RADIL: variants seen among roughly 807,000 people sequenced by gnomAD.
The protein encoded by RADIL is ras-associating and dilute domain-containing protein.
In RADIL, 99 loss-of-function variants were observed where a neutral mutation model predicts 97.6. That is an observed-to-expected ratio of 1.01 (90% CI 0.86 to 1.20). The LOEUF (loss-of-function observed/expected upper bound fraction) is 1.20. RADIL is among the 50% of genes most tolerant of loss of function. RADIL has a pLI of 0.00. For synonymous variants in RADIL, 803 were observed against 691.8 expected, an observed-to-expected ratio of 1.16 and a Z score of -2.52; for missense variants, 1,765 against 1,498.9, an observed-to-expected ratio of 1.18 and a Z score of -2.93.
At position 4,819,741 on chromosome 7, in the gene RADIL, G is replaced by A. The variant is rs566028205; in HGVS notation, c.1616-2390C>T. Among the ~76,000 whole-genome samples, 13 of 152,314 alleles carry A rather than the reference G, an allele frequency of 8.5e-5. No individual in the cohort carries two copies. The highest frequency in any genetic ancestry group is 1.9e-4 in the African/African-American group (8 of 41,578). On this transcript the variant is annotated intron_variant, in intron 6 of 14. Transcript: ENST00000399583. This position sits in a 1 kb window ranked among gnomAD's most constrained non-coding sequence, Gnocchi z 5.8. ...TCCTGCAGAGGGTCGGGAGGCTGAC[G>A]GGGCTCTGCCCCTCCGGCCCCTTCT...
Position 4,837,864 on chromosome 7 carries a change from C to A in RADIL, c.536-1259G>T. The A allele has an allele frequency of 4.1e-6, 4 of 985,438 alleles. No individual in the cohort carries two copies. The highest frequency in any genetic ancestry group is 4.8e-6 in the Non-Finnish European group (4 of 829,936). The allele number at this position is 985,438 out of a possible 1,614,324, so 61.0% of individuals were successfully genotyped here. ...CTGACCCGGCGCTGTCTTTTCTGAGCCCTCTGCTGAGTTCCCTGTACGCAG... is the reference window on the plus strand; with the variant it reads ...CTGACCCGGCGCTGTCTTTTCTGAGACCTCTGCTGAGTTCCCTGTACGCAG... On this transcript the variant is annotated intron_variant, in intron 2 of 14. Coordinates refer to ENST00000399583, the MANE Select transcript of RADIL (RefSeq NM_018059.5). This position sits in a 1 kb window ranked among gnomAD's most constrained non-coding sequence, Gnocchi z 5.6.
chr7:4,830,492 G>T (rs1161390308), intron 5 of RADIL, among the ~76,000 whole-genome samples: 1 of 152,200 alleles, frequency 6.6e-6, no homozygotes, highest in African/African-American at 2.4e-5. Context: ...CAGGAGCTGC[G>T]CCTTTCCCTG....
chr7:4,862,168 G>A (rs980725312), intron 2 of RADIL, among the ~76,000 whole-genome samples: 1 of 152,228 alleles, frequency 6.6e-6, no homozygotes, highest in Admixed American at 6.5e-5. Flanking sequence ...GTTGATGACC[G>A]GCCAAACTCA....
At chr7:4,862,091 G>C in intron 2 of RADIL, 4 of 358,464 alleles carry the variant, frequency 1.1e-5, no homozygotes, top group Non-Finnish European at 2.0e-5. Context: ...GGGAGCCACA[G>C]CGTTCTGGGC....
chr7:4,853,040 A>AT (rs1273926980), intron 2 of RADIL, among the ~76,000 whole-genome samples: 3 of 152,102 alleles, frequency 2.0e-5, no homozygotes, highest in Non-Finnish European at 2.9e-5. Flanking sequence ...AGATGATGAG[A>AT]TTTTAGACTT....
chr7:4,831,991 A>G lies in RADIL; in HGVS notation c.1454+150T>C, dbSNP rs867773678. On this transcript the variant is annotated intron_variant, in intron 5 of 14. Transcript: ENST00000399583. The stretch of plus-strand genomic sequence containing the variant: ...AGCTTCCCAGGGTGATGACTAAAGA[A>G]GCAAAAAAGGCCGCTGCTTGGATGG... 8.9e-6 allele frequency: 7 copies of G among 782,212 alleles called. No homozygotes were observed. In the African/African-American group the frequency reaches 1.2e-4, roughly 14 times the overall value. 48.5% of individuals were successfully genotyped at this position (782,212 alleles called of 1,614,324 possible).
intron 2 of RADIL, among the ~76,000 whole-genome samples, chr7:4,870,154 GCAA>G (rs149269433): frequency 0.02 from 2,980 of 151,794 alleles, 106 homozygotes; most frequent in African/African-American, 0.066. Flanking sequence ...AACAACAACA[GCAA>G]CAACAACAAA....
chr7:4,837,092 A>C lies in RADIL; in HGVS notation c.536-487T>G, dbSNP rs1297806541. ...CTCTGCCCTCTAGCCACGCCCCTCG[A>C]AAAACCAGACAGTGCCTTGGCACCA... On this transcript the variant is annotated intron_variant, in intron 2 of 14. Transcript: ENST00000399583. The surrounding 1 kb of genome is among the most constrained non-coding windows in gnomAD (Gnocchi z 5.6). 4.6e-5 allele frequency among the ~76,000 whole-genome samples: 7 copies of C among 152,306 alleles called. No homozygotes were observed. In the East Asian group the frequency reaches 9.7e-4, roughly 21 times the overall value.
intron 2 of RADIL, among the ~76,000 whole-genome samples, chr7:4,848,466 C>G (rs78514879): frequency 0.016 from 2,371 of 151,912 alleles, 33 homozygotes; most frequent in South Asian, 0.025. Context: ...TCGAATATAT[C>G]TGAACATCTT....
In RADIL at chr7:4,815,448, G is replaced by A. The variant is rs1163509651; in HGVS notation, c.1969C>T (p.Pro657Ser). The A allele has an allele frequency of 2.0e-6, 3 of 1,511,126 alleles. No individual in the cohort carries two copies. The highest frequency in any genetic ancestry group is 2.7e-6 in the Non-Finnish European group (3 of 1,126,848). The allele number at this position is 1,511,126 out of a possible 1,614,324, so 93.6% of individuals were successfully genotyped here. ...LLLNQLLDRG[P>S]SLSCFHWPRG... ...GGCCAGTGGAAGCAGCTCAGGGAGG[G>A]GCCTGTGGAGGGAAGAAGGGAGGGT... Residue 657 changes from proline (P) to serine (S), a missense_variant and splice_region_variant, in exon 9 of 15, where the codon CCC (proline) becomes TCC (serine). Physicochemically the swap from Pro to Ser is moderately conservative, Grantham distance 74. Coordinates refer to ENST00000399583, the MANE Select transcript of RADIL (RefSeq NM_018059.5). This position sits in a 1 kb window ranked among gnomAD's most constrained non-coding sequence, Gnocchi z 8.0.
chr7:4,818,123 G>A lies in RADIL; in HGVS notation c.1616-772C>T, dbSNP rs1313803933. 3.3e-5 allele frequency among the ~76,000 whole-genome samples: 5 copies of A among 152,332 alleles called. 1 individual carries two copies. The East Asian group carries it at 5.8e-4, about 18-fold the overall frequency. On this transcript the variant is annotated intron_variant, in intron 6 of 14. Coordinates refer to ENST00000399583, the MANE Select transcript of RADIL (RefSeq NM_018059.5). This position sits in a 1 kb window ranked among gnomAD's most constrained non-coding sequence, Gnocchi z 7.1. ...GGTGTTCCCTGTCAGCCGCGTGGGC[G>A]GCCACAGCTCCCCTCCTCTCCCTCC...
rs1276439735 is a variant in RADIL at position 4,878,662 on chromosome 7, C to T, written c.-64-459G>A. Among the ~76,000 whole-genome samples the T allele has an allele frequency of 6.6e-6, 1 of 152,242 alleles. No individual in the cohort carries two copies. Reference sequence around the variant, plus strand: ...CCAGAGACCGAGAGGACTAAACGGGCTGGAGCGCCCTTCAAGGAAAGCCAT... The same window carrying T: ...CCAGAGACCGAGAGGACTAAACGGGTTGGAGCGCCCTTCAAGGAAAGCCAT... On this transcript the variant is annotated intron_variant, in intron 1 of 14. Transcript: ENST00000399583. The surrounding 1 kb of genome is among the most constrained non-coding windows in gnomAD (Gnocchi z 4.1).
rs1474080425 is a variant in RADIL at position 4,799,383 on chromosome 7, GA to G, written c.3222del (p.Leu1075SerfsTer31). On this transcript the variant is annotated frameshift_variant, in exon 15 of 15. Transcript: ENST00000399583. LOFTEE classifies it high-confidence loss of function. The stretch of plus-strand genomic sequence containing the variant: ...GGGGTGTCCTCGCAGCCCCCCTAGA[GA>G]GGGGGCGTGCGGAAATGGATCTTCT... ...TAKKIHFRTP[P>X]L 8.1e-6 allele frequency: 13 copies of G among 1,613,294 alleles called. No individual in the cohort carries two copies. The highest frequency in any genetic ancestry group is 1.0e-5 in the Non-Finnish European group (12 of 1,179,566).
intron 2 of RADIL, among the ~76,000 whole-genome samples, chr7:4,851,297 T>C (rs1428477618): frequency 6.6e-6 from 1 of 152,032 alleles, no homozygotes; most frequent in Non-Finnish European, 1.5e-5. Context: ...TGAAGGTGCT[T>C]TGGTAACCAG....
rs192687198 is a variant in RADIL, at chr7:4,881,014, C to T, written c.-65+2582G>A. Among the ~76,000 whole-genome samples, 925 of 124,994 alleles carry T rather than the reference C, an allele frequency of 7.4e-3. 9 individuals carry two copies. The highest frequency in any genetic ancestry group is 0.027 in the African/African-American group (882 of 33,086). The allele number at this position is 124,994 out of a possible 152,430, so 82.0% of individuals were successfully genotyped here. ...ACTCGGGAGGCTGAGGCAGGAGGAT[C>T]ACCGGAGCCCAGGAGTTCCAGGCTA... is the stretch of plus-strand genomic sequence containing the variant. On this transcript the variant is annotated intron_variant, in intron 1 of 14. Coordinates refer to ENST00000399583, the MANE Select transcript of RADIL (RefSeq NM_018059.5).
rs1235474614 is a variant in RADIL at position 4,818,976 on chromosome 7, C to T, written c.1616-1625G>A. On this transcript the variant is annotated intron_variant, in intron 6 of 14. Transcript: ENST00000399583. The surrounding 1 kb of genome is among the most constrained non-coding windows in gnomAD (Gnocchi z 7.1). ...CTATGTTGCCCAGGCTGGTCTGGAA[C>T]TCCAATCTACCCGCCTTGGCCCCCC... Among the ~76,000 whole-genome samples the T allele has an allele frequency of 6.6e-6, 1 of 151,804 alleles. No individual in the cohort carries two copies. The highest frequency in any genetic ancestry group is 1.5e-5 in the Non-Finnish European group (1 of 67,958).
In RADIL at chr7:4,837,840, T is replaced by A; in HGVS notation, c.536-1235A>T. ...TGAAAACCGCTCACCAGTCCCCAGC[T>A]GACCCGGCGCTGTCTTTTCTGAGCC... On this transcript the variant is annotated intron_variant, in intron 2 of 14. Coordinates refer to ENST00000399583, the MANE Select transcript of RADIL (RefSeq NM_018059.5). The surrounding 1 kb of genome is among the most constrained non-coding windows in gnomAD (Gnocchi z 5.6). The A allele has an allele frequency of 2.0e-6, 2 of 985,458 alleles. No individual in the cohort carries two copies. Among genetic ancestry groups the A allele is most frequent in the Non-Finnish European group, 2.4e-6 (2 of 829,938 alleles). 61.0% of individuals were successfully genotyped at this position (985,458 alleles called of 1,614,324 possible). A position where few individuals can be genotyped will look rare whatever the true frequency, so the allele number is the denominator to read the frequency against.
intron 2 of RADIL, among the ~76,000 whole-genome samples, chr7:4,863,189 T>C (rs1784060128): frequency 6.6e-6 from 1 of 152,348 alleles, no homozygotes; most frequent in East Asian, 1.9e-4. Flanking sequence ...TTAAGCATCA[T>C]TGAAATATCC....
Position 4,817,479 on chromosome 7 carries a change from G to T in RADIL, c.1616-128C>A, listed in dbSNP as rs538759515. 4 of 735,168 alleles carry T rather than the reference G, an allele frequency of 5.4e-6. No homozygotes were observed. Among genetic ancestry groups the T allele is most frequent in the East Asian group, 2.8e-5 (1 of 35,246 alleles). The allele number at this position is 735,168 out of a possible 1,614,324, so 45.5% of individuals were successfully genotyped here. On this transcript the variant is annotated intron_variant, in intron 6 of 14. Transcript: ENST00000399583. The surrounding 1 kb of genome is among the most constrained non-coding windows in gnomAD (Gnocchi z 8.3). ...ACGCGCCCATCTGGGGTCCAGATGC[G>T]ATAAACTGGCCGAGGGACTCTGGGC...
Sources: allele counts gnomAD v4.1 joint callset (sites outside exome capture counted in the v4.1 genomes callset), GRCh38; gene constraint gnomAD v4.1.1; non-coding constraint Gnocchi (gnomAD v3.1); transcripts MANE v1.5; gene names NCBI Gene and HGNC (gene_info 2026-07-23, HGNC 2026-07-21).